The following SGCD variants were observed in gnomAD, a reference collection of about 807,000 sequenced individuals.
The protein encoded by SGCD is delta-sarcoglycan.
In SGCD, 18 loss-of-function variants were observed where a neutral mutation model predicts 36.6. That is an observed-to-expected ratio of 0.49 (90% CI 0.34 to 0.73). SGCD has a LOEUF of 0.73. Ranked by LOEUF, SGCD falls within the 30% of genes least tolerant of loss-of-function variation. The probability of loss-of-function intolerance (pLI) is 0.01; values close to 1 mark genes in which losing one functional copy is unlikely to be tolerated. For missense variants in SGCD, 387 were observed against 346.7 expected, an observed-to-expected ratio of 1.12 and a Z score of -0.92; for synonymous variants, 133 against 130.6, an observed-to-expected ratio of 1.02 and a Z score of -0.12.
At chr5:155,830,721 T>G in the SGCD span, among the ~76,000 whole-genome samples, 17 of 152,346 alleles carry the variant, frequency 1.1e-4, no homozygotes, top group South Asian at 4.1e-4. Context: ...TGTCACTATT[T>G]GTATAAAATT....
chr5:156,323,765 T>C (rs1767734262), upstream of SGCD, among the ~76,000 whole-genome samples: 1 of 152,174 alleles, frequency 6.6e-6, no homozygotes, highest in Admixed American at 6.5e-5. Flanking sequence ...GAGGTCACCA[T>C]GTATGGAAGG....
chr5:156,515,819 C>T (rs1757133536), intron 4 of SGCD, among the ~76,000 whole-genome samples: 1 of 152,210 alleles, frequency 6.6e-6, no homozygotes, highest in African/African-American at 2.4e-5. Flanking sequence ...TGTGCCCCAG[C>T]CGTTTTCCCC....
At chr5:156,291,064 G>A (rs1360874178) in intron 3 of SGCD, among the ~76,000 whole-genome samples, 2 of 152,148 alleles carry the variant, frequency 1.3e-5, no homozygotes, top group Admixed American at 6.6e-5. Context: ...TGCAGATAAG[G>A]ACAGGCAACT....
chr5:156,624,726 T>A (rs77628272), intron 6 of SGCD, among the ~76,000 whole-genome samples: 3,035 of 152,234 alleles, frequency 0.02, 75 homozygotes, highest in African/African-American at 0.06. Context: ...ACTTTTTTTT[T>A]AAAAAATGAT....
chr5:156,657,867 C>T (rs1220588131), intron 7 of SGCD, among the ~76,000 whole-genome samples: 2 of 122,140 alleles, frequency 1.6e-5, no homozygotes, highest in Non-Finnish European at 3.4e-5. Context: ...CCTCTGAGTT[C>T]CCTTAGTATT....
intron 3 of SGCD, among the ~76,000 whole-genome samples, chr5:156,486,752 C>T (rs757714663): frequency 1.3e-5 from 2 of 152,084 alleles, no homozygotes; most frequent in South Asian, 4.1e-4. Context: ...GCTGCCACCA[C>T]GTGCATGTGC....
At chr5:155,824,641 G>C in the SGCD span, among the ~76,000 whole-genome samples, 1 of 152,166 alleles carries the variant, frequency 6.6e-6, no homozygotes, top group South Asian at 2.1e-4. Flanking sequence ...GGATGATGCA[G>C]CTGAGGCTCT....
At chr5:155,754,728 G>A in the SGCD span, among the ~76,000 whole-genome samples, 1 of 152,322 alleles carries the variant, frequency 6.6e-6, no homozygotes, top group Middle Eastern at 3.4e-3. Context: ...CAAAAGGGAG[G>A]AAATGTTTTT....
At chr5:155,747,904 T>C in the SGCD span, among the ~76,000 whole-genome samples, 1 of 152,172 alleles carries the variant, frequency 6.6e-6, no homozygotes, top group Admixed American at 6.5e-5. Context: ...TTTAATAGCC[T>C]GACCATTTAT....
intron 4 of SGCD, among the ~76,000 whole-genome samples, chr5:156,581,718 C>A (rs758586260): frequency 1.3e-5 from 2 of 152,156 alleles, no homozygotes; most frequent in African/African-American, 2.4e-5. Flanking sequence ...GGGTGTGGGA[C>A]CTGCTGAACT....
chr5:156,263,833 A>G (rs1020392769), intron 3 of SGCD, among the ~76,000 whole-genome samples: 2 of 152,070 alleles, frequency 1.3e-5, no homozygotes, highest in African/African-American at 2.4e-5. Context: ...TCCCAGCACC[A>G]TTTGTTGAGT....
chr5:156,225,229 C>T (rs1273776872), intron 3 of SGCD, among the ~76,000 whole-genome samples: 1 of 151,976 alleles, frequency 6.6e-6, no homozygotes, highest in African/African-American at 2.4e-5. Context: ...AGTACAAGAC[C>T]TGATTCTTGA....
the SGCD span, among the ~76,000 whole-genome samples, chr5:155,791,897 A>G: frequency 6.6e-6 from 1 of 152,184 alleles, no homozygotes; most frequent in African/African-American, 2.4e-5. Flanking sequence ...TCACAGAATT[A>G]GAAAAAACTA....
At chr5:155,745,337 T>A in the SGCD span, among the ~76,000 whole-genome samples, 1 of 152,170 alleles carries the variant, frequency 6.6e-6, no homozygotes, top group Non-Finnish European at 1.5e-5. Flanking sequence ...GTGTAATATT[T>A]TGGAGTAAAA....
At chr5:156,340,764 C>T (rs112330298) in intron 2 of SGCD, among the ~76,000 whole-genome samples, 21 of 152,268 alleles carry the variant, frequency 1.4e-4, no homozygotes, top group East Asian at 5.8e-4. Flanking sequence ...TTCAATTCCC[C>T]GGGCAGTACA....
chr5:156,538,183 C>T (rs1269246657), intron 4 of SGCD, among the ~76,000 whole-genome samples: 2 of 151,846 alleles, frequency 1.3e-5, no homozygotes, highest in Admixed American at 1.3e-4. Context: ...ATGGTAATGT[C>T]ATTTGGAGCA....
the SGCD span, among the ~76,000 whole-genome samples, chr5:155,808,314 C>A: frequency 6.6e-6 from 1 of 152,166 alleles, no homozygotes; most frequent in African/African-American, 2.4e-5. Flanking sequence ...CACCAGGATG[C>A]TATTTTTAAA....
chr5:155,771,060 A>G, the SGCD span, among the ~76,000 whole-genome samples: 6,696 of 152,076 alleles, frequency 0.044, 194 homozygotes, highest in Middle Eastern at 0.13. Flanking sequence ...ATCTGAACCA[A>G]AAGTATATGT....
At chr5:155,737,213 A>T in the SGCD span, among the ~76,000 whole-genome samples, 2 of 152,212 alleles carry the variant, frequency 1.3e-5, no homozygotes, top group African/African-American at 4.8e-5. Flanking sequence ...CTTGCAAACG[A>T]CTATGAGGTA....
Sources: gnomAD v4.1 joint callset for allele counts (sites outside exome capture counted in the v4.1 genomes callset) on GRCh38, gnomAD v4.1.1 for gene constraint, MANE v1.5 for transcripts, NCBI Gene and HGNC (gene_info 2026-07-23, HGNC 2026-07-21) for gene names.